OPCML: variants seen among roughly 807,000 people sequenced by gnomAD.
OPCML encodes the protein opioid-binding protein/cell adhesion molecule.
OPCML carries 13 observed loss-of-function variants against 37.8 expected under a neutral mutation model. That is an observed-to-expected ratio of 0.34 (90% confidence interval 0.22 to 0.55). The LOEUF (loss-of-function observed/expected upper bound fraction) is 0.55. Ranked by LOEUF, OPCML falls within the 20% of genes least tolerant of loss-of-function variation. The pLI is 0.91. For synonymous variants in OPCML, 176 were observed against 168.8 expected, an observed-to-expected ratio of 1.04 and a Z score of -0.33; for missense variants, 341 against 435.6, an observed-to-expected ratio of 0.78 and a Z score of 1.93.
chr11:133,429,186 CAT>C (rs1423075277), intron 1 of OPCML, among the ~76,000 whole-genome samples: 2 of 152,170 alleles, frequency 1.3e-5, no homozygotes, highest in Non-Finnish European at 2.9e-5. Flanking sequence ...AGGAGTTACC[CAT>C]CCATATATCT....
intron 1 of OPCML, among the ~76,000 whole-genome samples, chr11:133,235,345 C>T (rs1452478177): frequency 6.6e-6 from 1 of 152,098 alleles, no homozygotes; most frequent in Non-Finnish European, 1.5e-5. Flanking sequence ...GTTTTTCATC[C>T]CTCTCTCCTA....
At chr11:132,519,060 G>T (rs1045563108) in intron 4 of OPCML, among the ~76,000 whole-genome samples, 5 of 152,162 alleles carry the variant, frequency 3.3e-5, no homozygotes, top group Admixed American at 2.0e-4. Context: ...CTAATTTCCA[G>T]CTGTCCCATT....
intron 2 of OPCML, among the ~76,000 whole-genome samples, chr11:132,733,830 G>C (rs1945165805): frequency 6.6e-6 from 1 of 152,206 alleles, no homozygotes; most frequent in Admixed American, 6.5e-5. Context: ...CAGATTGGGA[G>C]AAAACAGGAC....
Position 133,355,752 on chromosome 11 carries a change from T to C in OPCML, c.61+176512A>G, listed in dbSNP as rs539063140. Among the ~76,000 whole-genome samples, 5 of 152,280 alleles carry C rather than the reference T, an allele frequency of 3.3e-5. No individual in the cohort carries two copies. In the East Asian group the frequency reaches 7.7e-4, roughly 24 times the overall value. On this transcript the variant is annotated intron_variant, in intron 1 of 7. Coordinates refer to ENST00000524381, the MANE Select transcript of OPCML (RefSeq NM_001012393.5). The stretch of plus-strand genomic sequence containing the variant: ...CCTAAAACCAAGATGGTAGCTGATA[T>C]AGGGGTCTTAAGTAGGTACCTCTCA...
intron 3 of OPCML, among the ~76,000 whole-genome samples, chr11:132,656,815 T>C (rs901552430): frequency 2.0e-5 from 3 of 152,222 alleles, no homozygotes; most frequent in Non-Finnish European, 2.9e-5. Flanking sequence ...GAGTGCTAAG[T>C]AACTTACGAG....
At chr11:132,421,362 A>T (rs891159842) in intron 7 of OPCML, among the ~76,000 whole-genome samples, 9 of 152,318 alleles carry the variant, frequency 5.9e-5, no homozygotes, top group Middle Eastern at 3.4e-3. Context: ...CTCTTCTACC[A>T]TCTCAAGCCA....
intron 2 of OPCML, among the ~76,000 whole-genome samples, chr11:132,899,955 T>G (rs556230905): frequency 6.6e-6 from 1 of 152,244 alleles, no homozygotes; most frequent in Non-Finnish European, 1.5e-5. Flanking sequence ...GCCCTGGAAC[T>G]TGGACTGAGC....
intron 4 of OPCML, among the ~76,000 whole-genome samples, chr11:132,488,022 C>A (rs751832156): frequency 1.3e-5 from 2 of 152,208 alleles, no homozygotes; most frequent in African/African-American, 4.8e-5. Context: ...TCCAGCCTAC[C>A]TTTGCAGCCA....
intron 1 of OPCML, chr11:133,007,822 G>A (rs963524482): frequency 2.0e-6 from 2 of 985,282 alleles, no homozygotes; most frequent in African/African-American, 3.5e-5. Flanking sequence ...GGATCACTCA[G>A]CTTTTTGCAG....
chr11:132,555,243 A>G (rs2096392508), intron 3 of OPCML, among the ~76,000 whole-genome samples: 1 of 152,152 alleles, frequency 6.6e-6, no homozygotes, highest in Admixed American at 6.5e-5. Context: ...TGATTTATAA[A>G]GAAAAAGAGG....
At chr11:133,005,317 C>G (rs1398681811) in intron 1 of OPCML, 1 of 985,284 alleles carries the variant, frequency 1.0e-6, no homozygotes, top group African/African-American at 1.7e-5. Context: ...CATTCCCCCA[C>G]ATTGCTTGGA....
intron 4 of OPCML, among the ~76,000 whole-genome samples, chr11:132,446,759 AC>A (rs2096056421): frequency 6.6e-6 from 1 of 152,166 alleles, no homozygotes; most frequent in Non-Finnish European, 1.5e-5. Context: ...TTAAAAAAAA[AC>A]CTTCATAATT....
intron 1 of OPCML, among the ~76,000 whole-genome samples, chr11:133,217,809 A>T (rs474637): frequency 0.35 from 53,689 of 152,042 alleles, 10,847 homozygotes; most frequent in African/African-American, 0.54. Flanking sequence ...TCCCAGCACT[A>T]TGGGATGCCA....
At chr11:133,286,719 G>A (rs1248314158) in intron 1 of OPCML, among the ~76,000 whole-genome samples, 1 of 152,166 alleles carries the variant, frequency 6.6e-6, no homozygotes, top group African/African-American at 2.4e-5. Context: ...ATGTGGAGCA[G>A]ACAGATGCAT....
At chr11:132,819,026 A>G (rs1313242167) in intron 2 of OPCML, among the ~76,000 whole-genome samples, 1 of 151,314 alleles carries the variant, frequency 6.6e-6, no homozygotes, top group East Asian at 1.9e-4. Flanking sequence ...AAAAAAAAAA[A>G]GAACCATATA....
At chr11:132,892,795 T>C (rs139372756) in intron 2 of OPCML, among the ~76,000 whole-genome samples, 2,355 of 152,032 alleles carry the variant, frequency 0.015, 27 homozygotes, top group Non-Finnish European at 0.02. Flanking sequence ...TCCAATAATA[T>C]GTGTGACTGT....
intron 1 of OPCML, among the ~76,000 whole-genome samples, chr11:133,487,972 T>A (rs1027087796): frequency 1.3e-5 from 2 of 152,008 alleles, no homozygotes; most frequent in African/African-American, 4.8e-5. Flanking sequence ...GTTAAACATA[T>A]ACAAATCAAT....
intron 2 of OPCML, among the ~76,000 whole-genome samples, chr11:132,803,270 A>G (rs541976823): frequency 7.5e-4 from 115 of 152,328 alleles, no homozygotes; most frequent in South Asian, 3.3e-3. Context: ...GAAGAAAATC[A>G]ATGCACATGT....
chr11:133,318,504 AC>A (rs5795837), intron 1 of OPCML, among the ~76,000 whole-genome samples: 150,214 of 151,966 alleles, frequency 0.99, 74,264 homozygotes, highest in East Asian at 1. Flanking sequence ...CCATCCACTG[AC>A]CCCCCACCCT....
Sources: allele counts gnomAD v4.1 joint callset (sites outside exome capture counted in the v4.1 genomes callset), GRCh38; gene constraint gnomAD v4.1.1; transcripts MANE v1.5; gene names NCBI Gene and HGNC (gene_info 2026-07-23, HGNC 2026-07-21).